GLB1L2: variants seen among roughly 807,000 people sequenced by gnomAD.
GLB1L2 encodes the protein beta-galactosidase-1-like protein 2.
In GLB1L2, 68 loss-of-function variants were observed where a neutral mutation model predicts 84.1. The ratio of observed to expected loss-of-function variants is 0.81; its 90% CI spans 0.67 to 0.99. The LOEUF is 0.99. GLB1L2 is among the 50% of genes least tolerant of loss of function. The pLI is 0.00. For missense variants in GLB1L2, 762 were observed against 805.6 expected (o/e 0.95, Z 0.66); for synonymous variants, 290 against 318.0 (o/e 0.91, Z 0.94).
chr11:134,369,842 G>A lies in GLB1L2; in HGVS notation c.1065G>A (p.Thr355=), dbSNP rs199939425. The change falls in exon 11 of 19, where the codon ACG becomes ACA. Residue 355 remains threonine, a synonymous_variant. Coordinates refer to ENST00000535456, the MANE Select transcript of GLB1L2 (RefSeq NM_001370461.1). The part of the protein sequence containing the change: ...DAVLTEAGDY[T]AKYMKLRDFF... Reference sequence around the variant, plus strand: ...TGCTGACAGAAGCCGGCGATTACACGGCCAAGTACATGAAGCTTCGAGACT... The same window carrying A: ...TGCTGACAGAAGCCGGCGATTACACAGCCAAGTACATGAAGCTTCGAGACT... 5.0e-6 allele frequency: 8 copies of A among 1,613,490 alleles called. No homozygotes were observed. Among genetic ancestry groups the A allele is most frequent in the South Asian group, 3.3e-5 (3 of 91,066 alleles).
rs2136257624 is a variant in GLB1L2, at chr11:134,338,352, G to A, written c.87-4402G>A. ...TTCAAGCCTGGCACACTTCACTCAA[G>A]GAGATCCTTTCTGGTGGTGACAGGA... On this transcript the variant is annotated intron_variant, in intron 1 of 18. Coordinates refer to ENST00000535456, the MANE Select transcript of GLB1L2 (RefSeq NM_001370461.1). The surrounding 1 kb of genome is among the most constrained non-coding windows in gnomAD (Gnocchi z 6.2). Among the ~76,000 whole-genome samples, 1 of 152,304 alleles carries A rather than the reference G, an allele frequency of 6.6e-6. No homozygotes were observed. Among genetic ancestry groups the A allele is most frequent in the African/African-American group, 2.4e-5 (1 of 41,566 alleles).
intron 2 of GLB1L2, 81 bp downstream of exon 2, chr11:134,343,032 A>C: frequency 7.1e-7 from 1 of 1,414,722 alleles, no homozygotes; most frequent in Non-Finnish European, 9.6e-7. Context: ...TATAAGAGGA[A>C]CCGGCCCAGG....
Position 134,367,278 on chromosome 11 carries a change from A to G in GLB1L2, c.826A>G (p.Met276Val). ...NVQGTQPKMV[M>V]EYWTGWFDSW... is the part of the protein sequence containing the mutation. ...CCAGGGGACTCAGCCCAAGATGGTG[A>G]TGGAGTACTGGACGGGGTGGTTTGA... Residue 276 changes from methionine to valine, a missense_variant, in exon 9 of 19, where the codon ATG becomes GTG. This residue lies in a region of GLB1L2 where 603 missense variants were observed against 611.7 expected (regional missense o/e 0.99). Coordinates refer to ENST00000535456, the MANE Select transcript of GLB1L2 (RefSeq NM_001370461.1). 6.2e-7 allele frequency: 1 copy of G among 1,614,146 alleles called. No individual in the cohort carries two copies. Among genetic ancestry groups the G allele is most frequent in the Non-Finnish European group, 8.5e-7 (1 of 1,180,004 alleles).
chr11:134,350,083 TG>T (rs990179344), intron 5 of GLB1L2, among the ~76,000 whole-genome samples: 1 of 152,162 alleles, frequency 6.6e-6, no homozygotes, highest in African/African-American at 2.4e-5. Context: ...TACCTGGGCT[TG>T]GGGGAGGGAT....
intron 1 of GLB1L2, among the ~76,000 whole-genome samples, chr11:134,337,537 T>G (rs965388937): frequency 1.1e-4 from 17 of 152,114 alleles, no homozygotes; most frequent in African/African-American, 3.9e-4. Flanking sequence ...CTCAAATTCT[T>G]TTGCTGAGGG....
intron 5 of GLB1L2, chr11:134,356,017 A>G (rs1943695978): frequency 1.7e-6 from 1 of 571,856 alleles, no homozygotes; most frequent in Non-Finnish European, 3.3e-6. Context: ...ACCATTTTGC[A>G]TATGACTTTT....
chr11:134,332,298 GT>G (rs902053816), intron 1 of GLB1L2, 151 bp downstream of exon 1: 1 of 556,564 alleles, frequency 1.8e-6, no homozygotes, highest in South Asian at 2.2e-5. Flanking sequence ...ATACCCCCGA[GT>G]TCCCCTGCGG....
intron 3 of GLB1L2, 26 bp downstream of exon 3, chr11:134,344,481 A>G (rs370186550): frequency 1.3e-6 from 2 of 1,568,932 alleles, no homozygotes; most frequent in South Asian, 2.2e-5. Flanking sequence ...GCTTCTGTGA[A>G]CTGGCCAGGG....
chr11:134,350,163 T>C (rs78651735), intron 5 of GLB1L2, among the ~76,000 whole-genome samples: 9,278 of 152,278 alleles, frequency 0.061, 397 homozygotes, highest in African/African-American at 0.11. Context: ...GTACACTGGC[T>C]GTAAGCTCAT....
Position 134,359,155 on chromosome 11 carries a change from T to C in GLB1L2, c.733+14T>C, listed in dbSNP as rs775251567. 2 of 1,574,490 alleles carry C rather than the reference T, an allele frequency of 1.3e-6. No homozygotes were observed. The highest frequency in any genetic ancestry group is 1.7e-6 in the Non-Finnish European group (2 of 1,157,644). Reference sequence around the variant, plus strand: ...TTGTCCAGGGAGGTAACTGCACTTGTGTTGGGCCGTGGGGGCTGGCGGCGG... The same window carrying C: ...TTGTCCAGGGAGGTAACTGCACTTGCGTTGGGCCGTGGGGGCTGGCGGCGG... On this transcript the variant is annotated intron_variant, in intron 7 of 18. Coordinates refer to ENST00000535456, the MANE Select transcript of GLB1L2 (RefSeq NM_001370461.1).
chr11:134,366,310 GA>G (rs1206506247), intron 8 of GLB1L2, among the ~76,000 whole-genome samples: 1 of 152,242 alleles, frequency 6.6e-6, no homozygotes, highest in Admixed American at 6.5e-5. Context: ...AGTCTTGCTA[GA>G]AGAATTCTTG....
intron 1 of GLB1L2, among the ~76,000 whole-genome samples, 176 bp from the exon 2 acceptor site, chr11:134,342,578 C>T (rs1943482648): frequency 6.6e-6 from 1 of 152,256 alleles, no homozygotes; most frequent in Non-Finnish European, 1.5e-5. Flanking sequence ...GCCGCGGGGC[C>T]CCGTGCTGAA....
At chr11:134,374,385 T>C in intron 17 of GLB1L2, 129 bp downstream of exon 17, 1 of 835,872 alleles carries the variant, frequency 1.2e-6, no homozygotes, top group Non-Finnish European at 2.0e-6. Context: ...AGAGGGCCGC[T>C]GGGGCCTCCC....
intron 6 of GLB1L2, among the ~76,000 whole-genome samples, chr11:134,358,618 G>A (rs191307304): frequency 6.9e-4 from 105 of 152,414 alleles, no homozygotes; most frequent in Non-Finnish European, 1.4e-3. Flanking sequence ...ACCGGCCAGC[G>A]TGGGGAAGGG....
At chr11:134,345,628 G>A (rs1274046408) in intron 4 of GLB1L2, among the ~76,000 whole-genome samples, 13 of 152,038 alleles carry the variant, frequency 8.6e-5, no homozygotes, top group East Asian at 1.9e-4. Flanking sequence ...GTGCCACCAC[G>A]CGCAGCTAAT....
chr11:134,374,420 C>T (rs1354076416), intron 17 of GLB1L2, among the ~76,000 whole-genome samples, 164 bp downstream of exon 17: 1 of 152,134 alleles, frequency 6.6e-6, no homozygotes, highest in Non-Finnish European at 1.5e-5. Flanking sequence ...GGGTTCCCAG[C>T]AGAAGAAACA....
At chr11:134,374,540 G>C (rs1225691095) in intron 17 of GLB1L2, 62 bp from the exon 18 acceptor site, 1 of 1,306,384 alleles carries the variant, frequency 7.7e-7, no homozygotes, top group African/African-American at 1.5e-5. Context: ...ACGCATGCAT[G>C]TCTCCCTCCA....
rs925634892 is a variant in GLB1L2 at position 134,376,191 on chromosome 11, G to A, written c.*1133G>A. ...CCCCCGCCCCCCACCCCCCACGCCCGAACAGCAGGGGCAGAGCAGCCCTCC... is the reference window on the plus strand; with the variant it reads ...CCCCCGCCCCCCACCCCCCACGCCCAAACAGCAGGGGCAGAGCAGCCCTCC... On this transcript the variant is annotated 3_prime_UTR_variant, in exon 19 of 19. Transcript: ENST00000535456. 3 of 126,068 alleles carry A rather than the reference G, an allele frequency of 2.4e-5. No homozygotes were observed. The highest frequency in any genetic ancestry group is 9.8e-5 in the African/African-American group (3 of 30,590). The allele number at this position is 126,068 out of a possible 1,614,324, so 7.8% of individuals were successfully genotyped here. A position where few individuals can be genotyped will look rare whatever the true frequency, so the allele number is the denominator to read the frequency against.
chr11:134,344,178 C>T (rs935217571), intron 2 of GLB1L2, among the ~76,000 whole-genome samples: 9 of 152,230 alleles, frequency 5.9e-5, no homozygotes, highest in African/African-American at 1.9e-4. Flanking sequence ...TCTTATGCTT[C>T]ATCCAAATCT....
Sources: allele counts gnomAD v4.1 joint callset (sites outside exome capture counted in the v4.1 genomes callset), GRCh38; gene constraint gnomAD v4.1.1; regional missense constraint gnomAD v4.1.1; non-coding constraint Gnocchi (gnomAD v3.1); transcripts MANE v1.5; gene names NCBI Gene and HGNC (gene_info 2026-07-23, HGNC 2026-07-21).